The following FGGY variants were observed in gnomAD, a reference collection of about 807,000 sequenced individuals.
FGGY encodes FGGY carbohydrate kinase domain-containing protein.
In FGGY, 72 loss-of-function variants were observed where a neutral mutation model predicts 71.3. That is an observed-to-expected ratio of 1.01 (90% confidence interval 0.84 to 1.23). The LOEUF (loss-of-function observed/expected upper bound fraction) is 1.23, where lower values mean the gene tolerates loss of function less well. Among genes scored for constraint, FGGY ranks in the 50% most tolerant of loss-of-function variants. The pLI is 0.00. For synonymous variants in FGGY, 251 were observed against 250.3 expected (o/e 1.00, Z -0.02); for missense variants, 668 against 682.3 (o/e 0.98, Z 0.23).
chr1:59,343,156 T>G (rs540102479), intron 3 of FGGY, among the ~76,000 whole-genome samples: 1 of 152,312 alleles, frequency 6.6e-6, no homozygotes, highest in African/African-American at 2.4e-5. Context: ...TAGATTTTTT[T>G]GCTGATTCAT....
intron 6 of FGGY, among the ~76,000 whole-genome samples, chr1:59,468,236 C>T (rs953813936): frequency 6.6e-6 from 1 of 152,104 alleles, no homozygotes; most frequent in South Asian, 2.1e-4. Flanking sequence ...AATGGACTTT[C>T]GTAAATTTTT....
chr1:59,535,141 A>C (rs1222798772), intron 7 of FGGY, among the ~76,000 whole-genome samples: 15 of 152,304 alleles, frequency 9.8e-5, no homozygotes, highest in African/African-American at 2.9e-4. Context: ...AGGAAGATCT[A>C]CCTAGCAAAT....
intron 5 of FGGY, among the ~76,000 whole-genome samples, chr1:59,386,273 G>A (rs920235925): frequency 5.9e-5 from 9 of 151,914 alleles, no homozygotes; most frequent in African/African-American, 1.7e-4. Flanking sequence ...TAGTTTCTGC[G>A]TCTTTCTTTC....
intron 8 of FGGY, among the ~76,000 whole-genome samples, chr1:59,575,207 A>C (rs2096058288): frequency 6.6e-6 from 1 of 152,140 alleles, no homozygotes; most frequent in Non-Finnish European, 1.5e-5. Context: ...GATCTTCAAA[A>C]CTTATTCCTC....
Position 59,505,274 on chromosome 1 carries a change from A to G in FGGY, c.671-7037A>G, listed in dbSNP as rs2153615906. Among the ~76,000 whole-genome samples, 2 of 152,334 alleles carry G rather than the reference A, an allele frequency of 1.3e-5. 1 individual carries two copies. The highest frequency in any genetic ancestry group is 6.8e-3 in the Middle Eastern group (2 of 294). On this transcript the variant is annotated intron_variant, in intron 6 of 15. Coordinates refer to ENST00000303721, the MANE Select transcript of FGGY (RefSeq NM_018291.5). Reference sequence around the variant, plus strand: ...AAGCTACTTGAGCGTAGGGGCCTTAACTATCTTGTTCCTTAATGCATTTTT... The same window carrying G: ...AAGCTACTTGAGCGTAGGGGCCTTAGCTATCTTGTTCCTTAATGCATTTTT...
chr1:59,384,896 T>C (rs2059904726), intron 5 of FGGY, among the ~76,000 whole-genome samples: 1 of 152,138 alleles, frequency 6.6e-6, no homozygotes, highest in Non-Finnish European at 1.5e-5. Flanking sequence ...CAAAAAAACT[T>C]TGGGTAATAA....
At chr1:59,561,689 C>A (rs2095795665) in intron 8 of FGGY, among the ~76,000 whole-genome samples, 1 of 152,146 alleles carries the variant, frequency 6.6e-6, no homozygotes, top group African/African-American at 2.4e-5. Flanking sequence ...CAAGTAGGCA[C>A]CATACTGTCC....
At position 59,491,132 on chromosome 1, in the gene FGGY, TTCCTTCCTTC is replaced by T. The variant is rs2093844372; in HGVS notation, c.671-21178_671-21169del. ...CCTCCTTCCCTCCTTCCTTCCTTCCTTCCTTCCTTCCTTTCTCTCTTTCTCTCTTTTTTTC... is the reference window on the plus strand; with the variant it reads ...CCTCCTTCCCTCCTTCCTTCCTTCCTCTTTCTCTCTTTCTCTCTTTTTTTC... On this transcript the variant is annotated intron_variant, in intron 6 of 15. Coordinates refer to ENST00000303721, the MANE Select transcript of FGGY (RefSeq NM_018291.5). Among the ~76,000 whole-genome samples, 3 of 90,130 alleles carry T rather than the reference TTCCTTCCTTC, an allele frequency of 3.3e-5. 1 individual carries two copies. The highest frequency in any genetic ancestry group is 1.1e-4 in the African/African-American group (2 of 18,268). 59.1% of individuals were successfully genotyped at this position (90,130 alleles called of 152,430 possible).
chr1:59,548,976 G>A (rs2095567367), intron 7 of FGGY, among the ~76,000 whole-genome samples: 1 of 152,186 alleles, frequency 6.6e-6, no homozygotes, highest in South Asian at 2.1e-4. Flanking sequence ...TGATGAATGA[G>A]TCCTTATTTT....
At chr1:59,313,900 C>T (rs1043154299) in intron 1 of FGGY, among the ~76,000 whole-genome samples, 2 of 152,040 alleles carry the variant, frequency 1.3e-5, no homozygotes, top group African/African-American at 4.8e-5. Flanking sequence ...CACATATCAC[C>T]ACTCAAGAAC....
intron 6 of FGGY, among the ~76,000 whole-genome samples, chr1:59,508,575 T>C (rs532421751): frequency 6.6e-6 from 1 of 152,340 alleles, no homozygotes; most frequent in Admixed American, 6.5e-5. Context: ...AGTGTACCTC[T>C]GGCTGATAAA....
intron 2 of FGGY, among the ~76,000 whole-genome samples, chr1:59,331,624 A>G (rs572883569): frequency 6.6e-6 from 1 of 152,232 alleles, no homozygotes; most frequent in South Asian, 2.1e-4. Flanking sequence ...CTAGTATACT[A>G]TATCTACACT....
At chr1:59,715,121 G>C (rs182423401) in intron 14 of FGGY, among the ~76,000 whole-genome samples, 1 of 152,124 alleles carries the variant, frequency 6.6e-6, no homozygotes, top group African/African-American at 2.4e-5. Context: ...GAACTTGCTG[G>C]GTTTGTTAAG....
intron 15 of FGGY, among the ~76,000 whole-genome samples, chr1:59,760,919 T>A (rs2101919680): frequency 6.6e-6 from 1 of 152,360 alleles, no homozygotes; most frequent in South Asian, 2.1e-4. Context: ...AGGAGCAAAT[T>A]GTTCCTAAAA....
At chr1:59,705,387 A>G (rs994464732) in intron 14 of FGGY, among the ~76,000 whole-genome samples, 9 of 152,134 alleles carry the variant, frequency 5.9e-5, no homozygotes, top group Admixed American at 5.2e-4. Context: ...CCAAGAGTAA[A>G]CTTTTATGTG....
intron 8 of FGGY, among the ~76,000 whole-genome samples, chr1:59,569,877 C>T (rs1240594200): frequency 6.6e-6 from 1 of 152,134 alleles, no homozygotes; most frequent in Non-Finnish European, 1.5e-5. Flanking sequence ...GGCCAAGACT[C>T]AGATATGTAT....
At chr1:59,419,359 T>A (rs903633286) in intron 5 of FGGY, among the ~76,000 whole-genome samples, 2 of 152,196 alleles carry the variant, frequency 1.3e-5, no homozygotes, top group Non-Finnish European at 2.9e-5. Flanking sequence ...ATCTTGCTAA[T>A]TGCATCAGTA....
intron 8 of FGGY, among the ~76,000 whole-genome samples, chr1:59,591,633 C>T (rs1365216496): frequency 3.9e-5 from 6 of 152,094 alleles, no homozygotes; most frequent in African/African-American, 1.2e-4. Flanking sequence ...GAAATAACAC[C>T]GCATATCTAT....
intron 5 of FGGY, among the ~76,000 whole-genome samples, chr1:59,403,622 A>G (rs890948270): frequency 6.6e-6 from 1 of 152,220 alleles, no homozygotes; most frequent in Non-Finnish European, 1.5e-5. Flanking sequence ...AGGACAGCAT[A>G]TGGGAAAGCA....
Sources: allele counts gnomAD v4.1 joint callset (sites outside exome capture counted in the v4.1 genomes callset), GRCh38; gene constraint gnomAD v4.1.1; transcripts MANE v1.5; gene names NCBI Gene and HGNC (gene_info 2026-07-23, HGNC 2026-07-21).